The following ADARB2 variants were observed in gnomAD, a reference collection of about 807,000 sequenced individuals.
ADARB2 encodes adenosine deaminase RNA specific B2 (inactive), also known as inactive double-stranded RNA-specific editase B2.
In ADARB2, 25 loss-of-function variants were observed where a neutral mutation model predicts 62.2. The observed-to-expected ratio is 0.40, with a 90% CI of 0.29 to 0.56. The LOEUF (loss-of-function observed/expected upper bound fraction) is 0.56, where lower values mean the gene tolerates loss of function less well. Among genes scored for constraint, ADARB2 ranks in the 20% least tolerant of loss-of-function variants. ADARB2 has a pLI of 0.43. For missense variants in ADARB2, 1,071 were observed against 1,077.4 expected (o/e 0.99, Z 0.08); for synonymous variants, 572 against 500.8 (o/e 1.14, Z -1.90).
At chr10:1,355,240 C>G (rs897121695) in intron 3 of ADARB2, among the ~76,000 whole-genome samples, 1 of 152,182 alleles carries the variant, frequency 6.6e-6, no homozygotes, top group Non-Finnish European at 1.5e-5. Context: ...AAATCATAGA[C>G]CTCTATTTTA....
intron 3 of ADARB2, among the ~76,000 whole-genome samples, chr10:1,345,508 C>T (rs558462235): frequency 2.6e-5 from 4 of 152,304 alleles, no homozygotes; most frequent in Admixed American, 2.0e-4. Context: ...CCACAGTTGT[C>T]AGAGCTCAAC....
chr10:1,605,453 A>G (rs990603697), intron 1 of ADARB2, among the ~76,000 whole-genome samples: 3 of 152,232 alleles, frequency 2.0e-5, no homozygotes. Flanking sequence ...TTGAATGGGT[A>G]TGAATGGTCT....
In ADARB2 at chr10:1,546,375, G is replaced by A. The variant is rs980562360; in HGVS notation, c.101-167215C>T. ...GCACTTACAGACCGGCCTCCACGGG[G>A]TGGGAAGGCTCTCCCGTGCTTCCGT... On this transcript the variant is annotated intron_variant, in intron 1 of 9. Coordinates refer to ENST00000381312, the MANE Select transcript of ADARB2 (RefSeq NM_018702.4). 2.6e-5 allele frequency among the ~76,000 whole-genome samples: 4 copies of A among 152,216 alleles called. No homozygotes were observed. The South Asian group carries it at 6.2e-4, about 24-fold the overall frequency.
chr10:1,241,321 C>T lies in ADARB2; in HGVS notation c.1361+810G>A, dbSNP rs114811181. Among the ~76,000 whole-genome samples, 1,012 of 152,336 alleles carry T rather than the reference C, an allele frequency of 6.6e-3. 22 individuals carry two copies. Among genetic ancestry groups the T allele is most frequent in the African/African-American group, 0.023 (967 of 41,568 alleles). On this transcript the variant is annotated intron_variant, in intron 5 of 9. Transcript: ENST00000381312. ...TTTCAGCAGCGTCTGCTTAGGGCTA[C>T]ACGTGGGCCTTTCTCCTTTTGTGTG... is the stretch of plus-strand genomic sequence containing the variant.
At chr10:1,417,611 T>G (rs2805534) in intron 1 of ADARB2, among the ~76,000 whole-genome samples, 2 of 152,354 alleles carry the variant, frequency 1.3e-5, no homozygotes, top group East Asian at 1.9e-4. Context: ...GCCTGACACA[T>G]GGACAGGAGT....
chr10:1,537,546 A>T (rs900929136), intron 1 of ADARB2, among the ~76,000 whole-genome samples: 2 of 152,252 alleles, frequency 1.3e-5, no homozygotes, highest in Non-Finnish European at 2.9e-5. Context: ...ACAATAGCAA[A>T]GACTTAGAAC....
intron 1 of ADARB2, among the ~76,000 whole-genome samples, chr10:1,647,472 C>T (rs997003507): frequency 7.3e-5 from 11 of 151,700 alleles, no homozygotes; most frequent in Admixed American, 4.6e-4. Flanking sequence ...TGTATATGTA[C>T]GTGTGTATAC....
At chr10:1,545,555 C>A (rs1038551383) in intron 1 of ADARB2, among the ~76,000 whole-genome samples, 3 of 152,148 alleles carry the variant, frequency 2.0e-5, no homozygotes, top group Admixed American at 6.6e-5. Context: ...TTTTTCCTCC[C>A]CTTCCTCCCC....
intron 4 of ADARB2, among the ~76,000 whole-genome samples, chr10:1,244,082 G>T (rs1830954367): frequency 6.6e-6 from 1 of 152,230 alleles, no homozygotes; most frequent in African/African-American, 2.4e-5. Context: ...TGCGGGGGCT[G>T]CCCCCTAGCG....
intron 1 of ADARB2, among the ~76,000 whole-genome samples, chr10:1,473,802 G>C (rs1160714628): frequency 6.6e-6 from 1 of 152,250 alleles, no homozygotes; most frequent in East Asian, 1.9e-4. Context: ...GGAGAGAAGG[G>C]TTTTTGGGCA....
At position 1,398,503 on chromosome 10, in the gene ADARB2, C is replaced by A. The variant is rs1832634994; in HGVS notation, c.101-19343G>T. Among the ~76,000 whole-genome samples, 4 of 152,236 alleles carry A rather than the reference C, an allele frequency of 2.6e-5. No individual in the cohort carries two copies. The South Asian group carries it at 8.3e-4, about 32-fold the overall frequency. On this transcript the variant is annotated intron_variant, in intron 1 of 9. Transcript: ENST00000381312. This position sits in a 1 kb window ranked among gnomAD's most constrained non-coding sequence, Gnocchi z 4.1. Reference sequence around the variant, plus strand: ...CTCCCTGTGGAGCTCCAGTGAAGACCCCTCTCCAGGAGCCCCTAACCCCAG... The same window carrying A: ...CTCCCTGTGGAGCTCCAGTGAAGACACCTCTCCAGGAGCCCCTAACCCCAG...
At chr10:1,407,101 T>C (rs1473827583) in intron 1 of ADARB2, among the ~76,000 whole-genome samples, 1 of 152,238 alleles carries the variant, frequency 6.6e-6, no homozygotes, top group Non-Finnish European at 1.5e-5. Context: ...TGTGTTATTT[T>C]ATGCAGGTGC....
At chr10:1,646,120 C>A (rs1490463895) in intron 1 of ADARB2, among the ~76,000 whole-genome samples, 1 of 152,178 alleles carries the variant, frequency 6.6e-6, no homozygotes, top group Non-Finnish European at 1.5e-5. Flanking sequence ...ACAAGGTGCA[C>A]ACAGGTGAGT....
intron 5 of ADARB2, among the ~76,000 whole-genome samples, chr10:1,241,414 G>A (rs1000991711): frequency 6.6e-6 from 1 of 152,226 alleles, no homozygotes; most frequent in African/African-American, 2.4e-5. Context: ...ATTACTCGTA[G>A]ATTTGAGGAA....
intron 3 of ADARB2, among the ~76,000 whole-genome samples, chr10:1,274,001 G>T (rs969535946): frequency 6.6e-6 from 1 of 152,208 alleles, no homozygotes; most frequent in African/African-American, 2.4e-5. Flanking sequence ...CACCGGCCCT[G>T]CAGAGGGGAC....
chr10:1,226,354 A>G (rs183824959), intron 6 of ADARB2, among the ~76,000 whole-genome samples: 3 of 152,154 alleles, frequency 2.0e-5, no homozygotes, highest in Admixed American at 1.3e-4. Context: ...ATTGGTTCGA[A>G]TTTCCTCCTG....
intron 1 of ADARB2, among the ~76,000 whole-genome samples, chr10:1,394,203 G>A (rs1037107720): frequency 2.6e-5 from 4 of 152,194 alleles, no homozygotes; most frequent in South Asian, 4.1e-4. Context: ...AATTCCTCAC[G>A]TCCTACTGGA....
rs1316622269 is a variant in ADARB2 at position 1,591,672 on chromosome 10, C to CAT, written c.100+145378_100+145379insAT. On this transcript the variant is annotated intron_variant, in intron 1 of 9. Coordinates refer to ENST00000381312, the MANE Select transcript of ADARB2 (RefSeq NM_018702.4). ...AGAGGCGTGCACGCACACACACACA[C>CAT]ACACACGCACACACTCACCAGGACC... 2.0e-5 allele frequency among the ~76,000 whole-genome samples: 3 copies of CAT among 151,776 alleles called. No individual in the cohort carries two copies. In the East Asian group the frequency reaches 5.8e-4, roughly 29 times the overall value.
rs1008790922 is a variant in ADARB2, at chr10:1,261,813, A to C, written c.1192+9142T>G. On this transcript the variant is annotated intron_variant, in intron 4 of 9. Transcript: ENST00000381312. ...CTGGGTATATACCCAAAGGACTATA[A>C]ATCTTGCTGCTATAAAGACACATGC... Among the ~76,000 whole-genome samples, 7 of 150,254 alleles carry C rather than the reference A, an allele frequency of 4.7e-5. 1 individual carries two copies. Among genetic ancestry groups the C allele is most frequent in the African/African-American group, 1.8e-4 (7 of 39,634 alleles).
Sources: allele counts gnomAD v4.1 joint callset (sites outside exome capture counted in the v4.1 genomes callset), GRCh38; gene constraint gnomAD v4.1.1; non-coding constraint Gnocchi (gnomAD v3.1); transcripts MANE v1.5; gene names NCBI Gene and HGNC (gene_info 2026-07-23, HGNC 2026-07-21).